Variants in SNTG1 observed in about 807,000 individuals in gnomAD.
SNTG1 encodes the protein gamma-1-syntrophin.
In SNTG1, 39 loss-of-function variants were observed where a neutral mutation model predicts 74.7. The observed-to-expected ratio is 0.52, with a 90% CI of 0.40 to 0.68. The LOEUF (loss-of-function observed/expected upper bound fraction) is 0.68. Among genes scored for constraint, SNTG1 ranks in the 30% least tolerant of loss-of-function variants. The probability of loss-of-function intolerance (pLI) is 0.00; values close to 1 mark genes in which losing one functional copy is unlikely to be tolerated. For synonymous variants in SNTG1, 254 were observed against 217.1 expected (o/e 1.17, Z -1.49); for missense variants, 685 against 609.5 (o/e 1.12, Z -1.30).
At chr8:50,595,143 A>T (rs919730539) in intron 13 of SNTG1, among the ~76,000 whole-genome samples, 1 of 151,864 alleles carries the variant, frequency 6.6e-6, no homozygotes, top group Non-Finnish European at 1.5e-5. Context: ...TCAATTTGAG[A>T]AAGAAACTCT....
chr8:50,444,571 G>C (rs2093388179), intron 5 of SNTG1, among the ~76,000 whole-genome samples: 1 of 152,048 alleles, frequency 6.6e-6, no homozygotes, highest in Non-Finnish European at 1.5e-5. Flanking sequence ...CCAACATGGT[G>C]AAACTCCAAC....
At chr8:50,134,802 G>A (rs555994241) in intron 1 of SNTG1, among the ~76,000 whole-genome samples, 2 of 152,266 alleles carry the variant, frequency 1.3e-5, no homozygotes, top group East Asian at 3.9e-4. Context: ...TCAGAGCACA[G>A]ATGGAAGTGT....
intron 2 of SNTG1, among the ~76,000 whole-genome samples, chr8:50,283,321 G>A (rs1017995782): frequency 1.3e-5 from 2 of 152,136 alleles, no homozygotes; most frequent in Non-Finnish European, 2.9e-5. Context: ...ACATGTAATT[G>A]TTAGTCTTTT....
intron 1 of SNTG1, among the ~76,000 whole-genome samples, chr8:50,033,621 A>G (rs1817916289): frequency 6.6e-6 from 1 of 152,064 alleles, no homozygotes; most frequent in African/African-American, 2.4e-5. Flanking sequence ...TGGATTGTAG[A>G]TGGCTGCTTT....
At chr8:50,691,231 G>A (rs953025612) in intron 15 of SNTG1, among the ~76,000 whole-genome samples, 4 of 152,122 alleles carry the variant, frequency 2.6e-5, no homozygotes, top group Non-Finnish European at 5.9e-5. Context: ...TTCAATTGGA[G>A]CATTTAGCCC....
chr8:50,730,364 G>A (rs1258116742), intron 17 of SNTG1, among the ~76,000 whole-genome samples: 2 of 152,126 alleles, frequency 1.3e-5, no homozygotes, highest in Admixed American at 1.3e-4. Context: ...ATTAGTGAAA[G>A]CACATATCTC....
intron 2 of SNTG1, among the ~76,000 whole-genome samples, chr8:50,211,032 T>G (rs1476787589): frequency 6.6e-6 from 1 of 152,140 alleles, no homozygotes; most frequent in African/African-American, 2.4e-5. Context: ...AGTCTAATAT[T>G]TTAGAATCCA....
intron 17 of SNTG1, among the ~76,000 whole-genome samples, chr8:50,744,720 A>G (rs1345624756): frequency 6.6e-6 from 1 of 152,022 alleles, no homozygotes; most frequent in East Asian, 1.9e-4. Flanking sequence ...CATGGAATAG[A>G]ATAGAGATCA....
chr8:50,401,138 C>T (rs976204540), intron 3 of SNTG1, among the ~76,000 whole-genome samples: 1 of 151,740 alleles, frequency 6.6e-6, no homozygotes, highest in Admixed American at 6.6e-5. Context: ...ATGTATATCC[C>T]CATATATATA....
chr8:50,144,772 C>T (rs2081797164), intron 1 of SNTG1, among the ~76,000 whole-genome samples: 1 of 151,994 alleles, frequency 6.6e-6, no homozygotes, highest in Admixed American at 6.6e-5. Context: ...GTTCTACTCA[C>T]ATATATAGGT....
chr8:50,602,621 T>G (rs190378358), intron 13 of SNTG1, among the ~76,000 whole-genome samples: 2 of 152,338 alleles, frequency 1.3e-5, no homozygotes, highest in East Asian at 1.9e-4. Flanking sequence ...AGGTGATTTT[T>G]TCTTGTTCAT....
intron 2 of SNTG1, among the ~76,000 whole-genome samples, chr8:50,271,448 A>G (rs541145665): frequency 6.6e-6 from 1 of 152,280 alleles, no homozygotes; most frequent in African/African-American, 2.4e-5. Flanking sequence ...TAAAGTCTGA[A>G]ATTTTATGAA....
At chr8:50,494,120 T>C (rs80305986) in intron 8 of SNTG1, among the ~76,000 whole-genome samples, 2,918 of 148,858 alleles carry the variant, frequency 0.02, 22 homozygotes, top group Middle Eastern at 0.027. Flanking sequence ...TATGTATATA[T>C]ACACACACAC....
intron 2 of SNTG1, among the ~76,000 whole-genome samples, chr8:50,226,446 G>A (rs187639186): frequency 6.6e-6 from 1 of 152,214 alleles, no homozygotes; most frequent in Admixed American, 6.5e-5. Flanking sequence ...CAGTCCTAAA[G>A]AGATTAACTA....
intron 3 of SNTG1, among the ~76,000 whole-genome samples, chr8:50,398,812 T>C (rs1415512525): frequency 6.6e-6 from 1 of 152,066 alleles, no homozygotes; most frequent in East Asian, 1.9e-4. Flanking sequence ...GCACCTGTAA[T>C]CCCAGCTACT....
At chr8:50,405,782 T>A (rs932164492) in intron 4 of SNTG1, among the ~76,000 whole-genome samples, 6 of 152,136 alleles carry the variant, frequency 3.9e-5, no homozygotes, top group Non-Finnish European at 8.8e-5. Context: ...TGCTCTTACT[T>A]GTGCGTTTGG....
intron 2 of SNTG1, among the ~76,000 whole-genome samples, chr8:50,313,259 A>G (rs559964394): frequency 1.3e-5 from 2 of 150,094 alleles, no homozygotes; most frequent in African/African-American, 5.0e-5. Context: ...CTGAACAATG[A>G]TTTTTTTGAA....
intron 1 of SNTG1, among the ~76,000 whole-genome samples, chr8:49,937,008 A>G (rs963864759): frequency 3.3e-5 from 5 of 152,022 alleles, no homozygotes; most frequent in African/African-American, 1.2e-4. Flanking sequence ...AATTCGCCGG[A>G]CGTGGTGGCA....
chr8:49,945,050 T>C (rs1435185651), intron 1 of SNTG1, among the ~76,000 whole-genome samples: 2 of 152,216 alleles, frequency 1.3e-5, no homozygotes, highest in Non-Finnish European at 2.9e-5. Flanking sequence ...GATTTTTTAA[T>C]GTATTTGGTA....
Sources: allele counts gnomAD v4.1 joint callset (sites outside exome capture counted in the v4.1 genomes callset), GRCh38; gene constraint gnomAD v4.1.1; transcripts MANE v1.5; gene names NCBI Gene and HGNC (gene_info 2026-07-23, HGNC 2026-07-21).